The following CYP39A1 variants were observed in gnomAD, a reference collection of about 807,000 sequenced individuals.
The protein encoded by CYP39A1 is 24-hydroxycholesterol 7-alpha-hydroxylase.
CYP39A1 carries 49 observed loss-of-function variants against 58.1 expected under a neutral mutation model. The ratio of observed to expected loss-of-function variants is 0.84; its 90% CI spans 0.67 to 1.07. The LOEUF is 1.07. Among genes scored for constraint, CYP39A1 ranks in the 50% least tolerant of loss-of-function variants. CYP39A1 has a pLI of 0.00. For missense variants in CYP39A1, 531 were observed against 539.4 expected, an observed-to-expected ratio of 0.98 and a Z score of 0.16; for synonymous variants, 209 against 187.6, an observed-to-expected ratio of 1.11 and a Z score of -0.93.
At chr6:46,551,991 G>A (rs898870190) in intron 11 of CYP39A1, among the ~76,000 whole-genome samples, 1 of 152,080 alleles carries the variant, frequency 6.6e-6, no homozygotes, top group Non-Finnish European at 1.5e-5. Context: ...TCTTTAAAAA[G>A]TGTTCTCAGT....
Position 46,609,414 on chromosome 6 carries a change from CAAAAAAAA to C in CYP39A1, c.932-13302_932-13295del, listed in dbSNP as rs940212245. Among the ~76,000 whole-genome samples, 19 of 62,574 alleles carry C rather than the reference CAAAAAAAA, an allele frequency of 3.0e-4. No homozygotes were observed. In the East Asian group the frequency reaches 8.8e-3, roughly 29 times the overall value. The allele number at this position is 62,574 out of a possible 152,430, so 41.1% of individuals were successfully genotyped here. ...CCTGGGCGACAGCGAGACTCCGTCT[CAAAAAAAA>C]AAAAAAAGAAAAAAAAGAAATTTAT... On this transcript the variant is annotated intron_variant, in intron 7 of 11. Transcript: ENST00000275016.
At chr6:46,612,103 G>T (rs537540113) in intron 7 of CYP39A1, among the ~76,000 whole-genome samples, 83 of 152,234 alleles carry the variant, frequency 5.5e-4, no homozygotes, top group African/African-American at 1.9e-3. Flanking sequence ...TATGAACAGG[G>T]ATATCAAATA....
chr6:46,564,799 A>G (rs147150432), intron 10 of CYP39A1, among the ~76,000 whole-genome samples: 80 of 152,294 alleles, frequency 5.3e-4, no homozygotes, highest in African/African-American at 1.9e-3. Flanking sequence ...AGAGGTCTGA[A>G]GTATATTCCT....
chr6:46,623,079 A>G (rs1207443665), intron 7 of CYP39A1, among the ~76,000 whole-genome samples: 1 of 152,222 alleles, frequency 6.6e-6, no homozygotes, highest in Non-Finnish European at 1.5e-5. Context: ...CAAGAAGGAA[A>G]TGGTGATCTT....
chr6:46,594,716 C>T (rs1582359414), intron 8 of CYP39A1, among the ~76,000 whole-genome samples: 1 of 151,876 alleles, frequency 6.6e-6, no homozygotes, highest in Non-Finnish European at 1.5e-5. Flanking sequence ...CAGAAGAAAA[C>T]ATATGGGAAA....
intron 10 of CYP39A1, among the ~76,000 whole-genome samples, chr6:46,584,229 G>C (rs1772325892): frequency 6.6e-6 from 1 of 152,084 alleles, no homozygotes; most frequent in Non-Finnish European, 1.5e-5. Context: ...AGAAACAGTA[G>C]AAAACTAAAC....
intron 8 of CYP39A1, among the ~76,000 whole-genome samples, chr6:46,588,759 T>G (rs2150513008): frequency 6.6e-6 from 1 of 152,268 alleles, no homozygotes; most frequent in Admixed American, 6.5e-5. Flanking sequence ...AGGCAAGTGT[T>G]GTGTATTTGT....
intron 7 of CYP39A1, among the ~76,000 whole-genome samples, chr6:46,615,654 A>G (rs1260070920): frequency 6.6e-6 from 1 of 152,164 alleles, no homozygotes; most frequent in Non-Finnish European, 1.5e-5. Context: ...TGACAAAGAA[A>G]GAAAAGCTTT....
At chr6:46,646,927 G>A (rs771509047) in intron 1 of CYP39A1, among the ~76,000 whole-genome samples, 4 of 151,652 alleles carry the variant, frequency 2.6e-5, no homozygotes, top group Non-Finnish European at 2.9e-5. Context: ...GGTCATTGGT[G>A]TTTTCTCTAT....
At chr6:46,589,380 G>A (rs529669861) in intron 8 of CYP39A1, among the ~76,000 whole-genome samples, 1 of 152,216 alleles carries the variant, frequency 6.6e-6, no homozygotes, top group African/African-American at 2.4e-5. Context: ...TTGAGCCCAG[G>A]AGGTTGAGGG....
chr6:46,559,057 G>A (rs1454540174), intron 10 of CYP39A1, among the ~76,000 whole-genome samples: 1 of 150,988 alleles, frequency 6.6e-6, no homozygotes, highest in African/African-American at 2.4e-5. Context: ...GAAAGAGACT[G>A]ATGTTGAAAT....
chr6:46,596,385 T>G (rs1189008994), intron 7 of CYP39A1, among the ~76,000 whole-genome samples: 4 of 152,070 alleles, frequency 2.6e-5, no homozygotes, highest in African/African-American at 7.2e-5. Context: ...GTTCCCACAG[T>G]CTTATAGCTA....
At chr6:46,611,093 CAT>C (rs779687144) in intron 7 of CYP39A1, among the ~76,000 whole-genome samples, 114 of 152,340 alleles carry the variant, frequency 7.5e-4, no homozygotes, top group African/African-American at 2.3e-3. Flanking sequence ...GCAAACCACA[CAT>C]GTTTCTACTC....
At chr6:46,574,860 T>A (rs1561958848) in intron 10 of CYP39A1, among the ~76,000 whole-genome samples, 1 of 151,728 alleles carries the variant, frequency 6.6e-6, no homozygotes. Flanking sequence ...GGAGCCAAGA[T>A]GGCCAACTAG....
intron 11 of CYP39A1, among the ~76,000 whole-genome samples, chr6:46,552,655 T>C (rs1331524282): frequency 6.6e-6 from 1 of 152,188 alleles, no homozygotes; most frequent in East Asian, 1.9e-4. Context: ...TAGCACCCTT[T>C]ACCCAAAGTT....
chr6:46,570,081 T>C (rs1475365214), intron 10 of CYP39A1, among the ~76,000 whole-genome samples: 1 of 152,094 alleles, frequency 6.6e-6, no homozygotes, highest in Non-Finnish European at 1.5e-5. Context: ...AATTCAGTCT[T>C]GGTAGGTTTT....
chr6:46,588,466 T>A (rs1459134063), intron 8 of CYP39A1, among the ~76,000 whole-genome samples: 1 of 152,096 alleles, frequency 6.6e-6, no homozygotes, highest in Non-Finnish European at 1.5e-5. Context: ...CTAGTATAAG[T>A]CCCTTCTAAT....
At chr6:46,612,316 A>G (rs1030617938) in intron 7 of CYP39A1, among the ~76,000 whole-genome samples, 3 of 152,228 alleles carry the variant, frequency 2.0e-5, no homozygotes, top group Admixed American at 2.0e-4. Flanking sequence ...CACCCTAGTC[A>G]TTATGGCTAG....
intron 7 of CYP39A1, among the ~76,000 whole-genome samples, chr6:46,624,808 G>C (rs1270646065): frequency 6.6e-6 from 1 of 152,108 alleles, no homozygotes; most frequent in African/African-American, 2.4e-5. Flanking sequence ...ATTCAAGCTT[G>C]TATTTGCTTT....
Sources: gnomAD v4.1 joint callset for allele counts (sites outside exome capture counted in the v4.1 genomes callset) on GRCh38, gnomAD v4.1.1 for gene constraint, MANE v1.5 for transcripts, NCBI Gene and HGNC (gene_info 2026-07-23, HGNC 2026-07-21) for gene names.